COL6A1: variants seen among roughly 807,000 people sequenced by gnomAD.
COL6A1 encodes the protein collagen type VI alpha 1 chain.
Under a neutral mutation model 145.6 loss-of-function variants are expected in COL6A1, and 80 were observed. The observed-to-expected ratio is 0.55, with a 90% CI of 0.46 to 0.66. COL6A1 has a LOEUF of 0.66. COL6A1 is among the 30% of genes least tolerant of loss of function. The pLI is 0.00. For missense variants in COL6A1, 1,364 were observed against 1,473.8 expected, an observed-to-expected ratio of 0.93 and a Z score of 1.22; for synonymous variants, 638 against 622.8, an observed-to-expected ratio of 1.02 and a Z score of -0.36.
intron 15 of COL6A1, among the ~76,000 whole-genome samples, chr21:45,991,315 G>A (rs573970524): frequency 1.3e-5 from 2 of 152,206 alleles, no homozygotes; most frequent in African/African-American, 2.4e-5. Context: ...CCTGCCGCTC[G>A]CTCGGCACAG....
intron 3 of COL6A1, among the ~76,000 whole-genome samples, chr21:45,985,061 GAC>G (rs1372823616): frequency 5.9e-5 from 9 of 151,850 alleles, no homozygotes; most frequent in African/African-American, 2.2e-4. Context: ...GACAGTCAGA[GAC>G]AGACAGAGAC....
At chr21:45,990,880 C>T (rs2077772866) in intron 14 of COL6A1, 54 bp downstream of exon 14, 25 of 1,608,552 alleles carry the variant, frequency 1.6e-5, no homozygotes, top group South Asian at 9.9e-5. Context: ...AGCAGCACCT[C>T]GTGTGGACCG....
chr21:45,996,134 T>C (rs1436493313), intron 20 of COL6A1, among the ~76,000 whole-genome samples: 1 of 152,248 alleles, frequency 6.6e-6, no homozygotes, highest in East Asian at 1.9e-4. Flanking sequence ...ACAGTCTGAC[T>C]GTGTGTGGTG....
intron 6 of COL6A1, 78 bp from the exon 7 acceptor site, chr21:45,987,420 TG>T: frequency 6.3e-7 from 1 of 1,595,770 alleles, no homozygotes; most frequent in Non-Finnish European, 8.6e-7. Flanking sequence ...CCCATGTGCC[TG>T]GGTCGCATGT....
chr21:45,998,026 G>C (rs1011015401), intron 22 of COL6A1, 95 bp from the exon 23 acceptor site: 16 of 1,474,376 alleles, frequency 1.1e-5, no homozygotes, highest in African/African-American at 1.4e-5. Context: ...GCTGACGGAG[G>C]GGCCCTGCGG....
At position 45,992,384 on chromosome 21, in the gene COL6A1, G is replaced by GC; in HGVS notation, c.1263dup (p.Gly422ArgfsTer26). The stretch of plus-strand genomic sequence containing the variant: ...CCAGGGGAACCCAGGACCTGACGGT[G>GC]CCCCCGGGGAGCGGGTGAGTGGGGC... On this transcript the variant is annotated frameshift_variant, in exon 18 of 35. Transcript: ENST00000361866. LOFTEE classifies it high-confidence loss of function. 6.2e-7 allele frequency: 1 copy of GC among 1,613,470 alleles called. No homozygotes were observed. The highest frequency in any genetic ancestry group is 8.5e-7 in the Non-Finnish European group (1 of 1,179,980).
rs2077852162 is a variant in COL6A1, at chr21:46,002,404, G to A, written c.2250+3G>A. 3 of 1,606,030 alleles carry A rather than the reference G, an allele frequency of 1.9e-6. No individual in the cohort carries two copies. Among genetic ancestry groups the A allele is most frequent in the Admixed American group, 1.7e-5 (1 of 58,600 alleles). On this transcript the variant is annotated splice_donor_region_variant and intron_variant, in intron 32 of 34. Coordinates refer to ENST00000361866, the MANE Select transcript of COL6A1 (RefSeq NM_001848.3). ...TGCTCTGCAGCCCCGGCATCCAGGT[G>A]GGGTGGCCACCCCCAGGCTGCACCT...
Position 45,986,939 on chromosome 21 carries a change from C to A in COL6A1, c.589-5C>A. 6.5e-7 allele frequency: 1 copy of A among 1,546,806 alleles called. No homozygotes were observed. The highest frequency in any genetic ancestry group is 1.4e-5 in the African/African-American group (1 of 73,492). ...TGCTCAGCCCACCCTGAACACTGCC[C>A]CCAGGAGCCGCGTCTGAGCATCATC... On this transcript the variant is annotated splice_region_variant and splice_polypyrimidine_tract_variant and intron_variant, in intron 4 of 34. Transcript: ENST00000361866.
intron 3 of COL6A1, among the ~76,000 whole-genome samples, chr21:45,985,939 A>C (rs2077736603): frequency 1.3e-5 from 2 of 152,170 alleles, no homozygotes; most frequent in Non-Finnish European, 2.9e-5. Context: ...CCCCTGTGGA[A>C]GCCACAGACA....
intron 15 of COL6A1, among the ~76,000 whole-genome samples, chr21:45,991,291 T>G (rs2077775604): frequency 6.6e-6 from 1 of 152,226 alleles, no homozygotes; most frequent in Admixed American, 6.5e-5. Context: ...GCCTCCGCCA[T>G]TCTGTCCCCC....
At position 45,990,439 on chromosome 21, in the gene COL6A1, A is replaced by G. The variant is rs1343644341; in HGVS notation, c.1002+17A>G. The G allele has an allele frequency of 1.2e-5, 7 of 595,210 alleles. No individual in the cohort carries two copies. The highest frequency in any genetic ancestry group is 5.3e-5 in the South Asian group (2 of 37,574). 36.9% of individuals were successfully genotyped at this position (595,210 alleles called of 1,614,324 possible). ...GGCGTGAAGGTGACTGGGGGGAGATAGGATGGACGGGGAGGGACGAGGAGG... is the reference window on the plus strand; with the variant it reads ...GGCGTGAAGGTGACTGGGGGGAGATGGGATGGACGGGGAGGGACGAGGAGG... On this transcript the variant is annotated intron_variant, in intron 13 of 34. Transcript: ENST00000361866.
At position 45,994,243 on chromosome 21, in the gene COL6A1, T is replaced by C. The variant is rs781071169; in HGVS notation, c.1398+14T>C. The C allele has an allele frequency of 6.2e-7, 1 of 1,605,304 alleles. No individual in the cohort carries two copies. Among genetic ancestry groups the C allele is most frequent in the Non-Finnish European group, 8.5e-7 (1 of 1,176,712 alleles). ...CCTGGAGACCCGGTAGGAAGCGCTG[T>C]GGGGTTGGGGGGCGTTGGCCAATTT... On this transcript the variant is annotated intron_variant, in intron 20 of 34. Coordinates refer to ENST00000361866, the MANE Select transcript of COL6A1 (RefSeq NM_001848.3). The surrounding 1 kb of genome is among the most constrained non-coding windows in gnomAD (Gnocchi z 6.8).
rs1219282480 is a variant in COL6A1, at chr21:45,986,675, C to T, written c.578C>T (p.Pro193Leu). Residue 193 changes from proline (P) to leucine (L), a missense_variant, in exon 4 of 35, where the codon CCC becomes CTC. Pro to Leu is a moderately conservative substitution (Grantham distance 98). Coordinates refer to ENST00000361866, the MANE Select transcript of COL6A1 (RefSeq NM_001848.3). The part of the protein sequence containing the change: ...GVKVFSVAIT[P>L]DHLEPRLSII... ...AAAGTCTTCTCGGTGGCCATCACACCCGACCACCTGGTAGGCACCGGCCCC... is the reference window on the plus strand; with the variant it reads ...AAAGTCTTCTCGGTGGCCATCACACTCGACCACCTGGTAGGCACCGGCCCC... 1 of 1,548,248 alleles carries T rather than the reference C, an allele frequency of 6.5e-7. No individual in the cohort carries two copies. Among genetic ancestry groups the T allele is most frequent in the Non-Finnish European group, 8.7e-7 (1 of 1,147,170 alleles).
At chr21:45,981,984 C>A (rs774855389) in intron 1 of COL6A1, 37 bp downstream of exon 1, 7 of 1,509,206 alleles carry the variant, frequency 4.6e-6, no homozygotes, top group Middle Eastern at 2.0e-4. Context: ...CCAGACCCCC[C>A]GCTCTTTGCT....
intron 30 of COL6A1, 97 bp downstream of exon 30, chr21:46,001,483 C>A: frequency 6.7e-7 from 1 of 1,487,050 alleles, no homozygotes; most frequent in Non-Finnish European, 9.3e-7. Flanking sequence ...CCGAGGCCAC[C>A]GCTGCATCCC....
rs1287897572 is a variant in COL6A1 at position 46,003,466 on chromosome 21, C to T, written c.2540C>T (p.Thr847Ile). 3.1e-6 allele frequency: 5 copies of T among 1,608,142 alleles called. No homozygotes were observed. Among genetic ancestry groups the T allele is most frequent in the Non-Finnish European group, 3.4e-6 (4 of 1,179,704 alleles). ...AGCGTGGGCAGCCACAACTTTGACACCACCAAGCGCTTCGCCAAGCGCCTG... is the reference window on the plus strand; with the variant it reads ...AGCGTGGGCAGCCACAACTTTGACATCACCAAGCGCTTCGCCAAGCGCCTG... The part of the protein sequence containing the change: ...SASVGSHNFD[T>I]TKRFAKRLAE... The change falls in exon 35 of 35, where the codon ACC becomes ATC. Residue 847 changes from threonine to isoleucine, a missense_variant. Physicochemically the swap from Thr to Ile is moderately conservative, Grantham distance 89 (BLOSUM62 -1). Coordinates refer to ENST00000361866, the MANE Select transcript of COL6A1 (RefSeq NM_001848.3).
rs67179338 is a variant in COL6A1, at chr21:46,004,360, TCTCCTGCCCTGCC to T, written c.*357_*369del. The T allele has an allele frequency of 0.074, 29,612 of 397,930 alleles. 1,407 individuals are homozygous for T. The highest frequency in any genetic ancestry group is 0.1 in the Non-Finnish European group (21,416 of 213,912). The allele number at this position is 397,930 out of a possible 1,614,324, so 24.6% of individuals were successfully genotyped here. On this transcript the variant is annotated 3_prime_UTR_variant, in exon 35 of 35. Coordinates refer to ENST00000361866, the MANE Select transcript of COL6A1 (RefSeq NM_001848.3). Reference sequence around the variant, plus strand: ...CTCACCTGGGTTCCCCACCCCGGGCTCTCCTGCCCTGCCCTCCTGCCCGCCCTCCCTCCTGCCT... The same window carrying T: ...CTCACCTGGGTTCCCCACCCCGGGCTCTCCTGCCCGCCCTCCCTCCTGCCT...
rs115181427 is a variant in COL6A1, at chr21:46,003,101, C to T, written c.2435-19C>T. The stretch of plus-strand genomic sequence containing the variant: ...GGTGGAGCAGTGGGCTCACACTGCA[C>T]GGCTTTTCTCTTTTACAGACAAGAA... On this transcript the variant is annotated intron_variant, in intron 33 of 34. Transcript: ENST00000361866. 9,305 of 1,614,068 alleles carry T rather than the reference C, an allele frequency of 5.8e-3. 355 individuals are homozygous for T. In the African/African-American group the frequency reaches 0.094, roughly 16 times the overall value.
chr21:45,982,397 G>T (rs2077712932), intron 1 of COL6A1, among the ~76,000 whole-genome samples: 1 of 152,168 alleles, frequency 6.6e-6, no homozygotes, highest in Non-Finnish European at 1.5e-5. Flanking sequence ...CTGCCCTTCG[G>T]GGGAGGTTGT....
Sources: allele counts gnomAD v4.1 joint callset (sites outside exome capture counted in the v4.1 genomes callset), GRCh38; gene constraint gnomAD v4.1.1; non-coding constraint Gnocchi (gnomAD v3.1); transcripts MANE v1.5; gene names NCBI Gene and HGNC (gene_info 2026-07-23, HGNC 2026-07-21).